Variants in CDH6 observed in about 807,000 individuals in gnomAD.
CDH6 encodes cadherin-6.
In CDH6, 31 loss-of-function variants were observed where a neutral mutation model predicts 78.0. That is an observed-to-expected ratio of 0.40 (90% CI 0.30 to 0.54). The LOEUF (loss-of-function observed/expected upper bound fraction) is 0.54. Among genes scored for constraint, CDH6 ranks in the 20% least tolerant of loss-of-function variants. The pLI is 0.56. For synonymous variants in CDH6, 376 were observed against 368.8 expected, an observed-to-expected ratio of 1.02 and a Z score of -0.23; for missense variants, 724 against 975.9, an observed-to-expected ratio of 0.74 and a Z score of 3.44.
chr5:31,199,480 G>GTATATATACACACACATATGTGTA lies in CDH6; in HGVS notation c.-129+5601_-129+5602insACACACACATATGTGTATATATAT, dbSNP rs35730764. ...TGTGTATATATACACACACATATGT[G>GTATATATACACACACATATGTGTA]TATATATGTACACACACATATGTGT... On this transcript the variant is annotated intron_variant, in intron 1 of 11. Coordinates refer to ENST00000265071, the MANE Select transcript of CDH6 (RefSeq NM_004932.4). Among the ~76,000 whole-genome samples the GTATATATACACACACATATGTGTA allele has an allele frequency of 5.9e-4, 19 of 32,072 alleles. 1 individual carries two copies. Among genetic ancestry groups the GTATATATACACACACATATGTGTA allele is most frequent in the Middle Eastern group, 0.019 (1 of 54 alleles). The allele number at this position is 32,072 out of a possible 152,430, so 21.0% of individuals were successfully genotyped here.
At chr5:31,201,492 T>C (rs1462334624) in intron 1 of CDH6, among the ~76,000 whole-genome samples, 1 of 152,182 alleles carries the variant, frequency 6.6e-6, no homozygotes, top group Non-Finnish European at 1.5e-5. Flanking sequence ...AAATCTCAAT[T>C]TATTTGATTT....
chr5:31,212,902 C>T (rs1288791852), intron 1 of CDH6, among the ~76,000 whole-genome samples: 6 of 152,140 alleles, frequency 3.9e-5, no homozygotes, highest in African/African-American at 1.4e-4. Flanking sequence ...CCCCTGGACA[C>T]CTTCCTTTGC....
At chr5:31,289,310 T>C (rs187616053) in intron 2 of CDH6, among the ~76,000 whole-genome samples, 10 of 152,348 alleles carry the variant, frequency 6.6e-5, no homozygotes, top group Admixed American at 6.5e-4. Flanking sequence ...TTCATTCTTT[T>C]TTACAGCTTT....
intron 1 of CDH6, among the ~76,000 whole-genome samples, chr5:31,200,248 G>A (rs1740313797): frequency 6.6e-6 from 1 of 152,010 alleles, no homozygotes; most frequent in Non-Finnish European, 1.5e-5. Flanking sequence ...ATCTTATCCT[G>A]CCTTCAGAGG....
intron 2 of CDH6, among the ~76,000 whole-genome samples, chr5:31,268,714 T>A (rs553571051): frequency 2.0e-5 from 3 of 152,184 alleles, no homozygotes; most frequent in Non-Finnish European, 4.4e-5. Flanking sequence ...TAGGATATCA[T>A]GCAAAAAACA....
In CDH6 at chr5:31,317,803, G is replaced by T; in HGVS notation, c.1761G>T (p.Arg587=). 6.2e-7 allele frequency: 1 copy of T among 1,614,124 alleles called. No individual in the cohort carries two copies. Among genetic ancestry groups the T allele is most frequent in the African/African-American group, 1.3e-5 (1 of 75,018 alleles). ...GCAGCACTGGGACAGTGACTGTCCG[G>T]GTCTGTGCATGTGACCACCACGGGA... ...VQSSTGTVTV[R]VCACDHHGNM... Residue 587 remains arginine (R), a synonymous_variant, in exon 11 of 12, where the codon CGG becomes CGT. Coordinates refer to ENST00000265071, the MANE Select transcript of CDH6 (RefSeq NM_004932.4).
At chr5:31,280,849 G>A (rs573726561) in intron 2 of CDH6, among the ~76,000 whole-genome samples, 2 of 150,960 alleles carry the variant, frequency 1.3e-5, no homozygotes, top group African/African-American at 4.9e-5. Flanking sequence ...GAGAAAGGGA[G>A]CTTTCAAAAT....
intron 1 of CDH6, among the ~76,000 whole-genome samples, chr5:31,264,195 T>C (rs1742281692): frequency 6.6e-6 from 1 of 152,248 alleles, no homozygotes; most frequent in Admixed American, 6.5e-5. Flanking sequence ...TTTAAGAAAA[T>C]TTTGACTTGC....
intron 2 of CDH6, among the ~76,000 whole-genome samples, chr5:31,282,046 C>T (rs373659404): frequency 2.6e-5 from 4 of 152,170 alleles, no homozygotes; most frequent in East Asian, 1.9e-4. Context: ...TAGTTTTCCT[C>T]CCTCCTCCAC....
At chr5:31,297,072 C>A (rs933719499) in intron 3 of CDH6, among the ~76,000 whole-genome samples, 1 of 152,140 alleles carries the variant, frequency 6.6e-6, no homozygotes, top group African/African-American at 2.4e-5. Context: ...CATGATCATT[C>A]CCATGCTTTT....
At chr5:31,244,220 A>G (rs930193490) in intron 1 of CDH6, among the ~76,000 whole-genome samples, 4 of 152,232 alleles carry the variant, frequency 2.6e-5, no homozygotes, top group African/African-American at 4.8e-5. Context: ...TATCAAGACA[A>G]TGTAGACAAG....
intron 1 of CDH6, among the ~76,000 whole-genome samples, chr5:31,228,395 A>G (rs1427038208): frequency 1.3e-5 from 2 of 152,212 alleles, no homozygotes; most frequent in African/African-American, 4.8e-5. Context: ...GCCAAGGTTC[A>G]GGAAGTGAAT....
In CDH6 at chr5:31,316,270, G is replaced by A. The variant is rs769078251; in HGVS notation, c.1453G>A (p.Ala485Thr). 7.4e-6 allele frequency: 12 copies of A among 1,612,916 alleles called. No individual in the cohort carries two copies. The highest frequency in any genetic ancestry group is 4.4e-5 in the South Asian group (4 of 90,974). The change falls in exon 9 of 12, where the codon GCC becomes ACC. Residue 485 changes from alanine to threonine, a missense_variant. Ala to Thr is a moderately conservative substitution (Grantham distance 58). Transcript: ENST00000265071. The stretch of plus-strand genomic sequence containing the variant: ...TAAAGTTCTAGATGTCAATGACAAC[G>A]CCCCAGAATTTGCTGAGTTCTATGA... ...YIKVLDVNDN[A>T]PEFAEFYETF...
intron 1 of CDH6, among the ~76,000 whole-genome samples, chr5:31,255,056 C>G (rs1742019833): frequency 6.6e-6 from 1 of 152,208 alleles, no homozygotes; most frequent in Non-Finnish European, 1.5e-5. Context: ...TAAAGGGCCA[C>G]ATTACCGACC....
chr5:31,221,204 C>T (rs114857029), intron 1 of CDH6, among the ~76,000 whole-genome samples: 2,368 of 152,274 alleles, frequency 0.016, 66 homozygotes, highest in African/African-American at 0.054. Context: ...CACTCACTCA[C>T]CAGTCAAGCA....
At chr5:31,244,441 T>A (rs1202759466) in intron 1 of CDH6, among the ~76,000 whole-genome samples, 2 of 152,162 alleles carry the variant, frequency 1.3e-5, no homozygotes, top group Non-Finnish European at 2.9e-5. Context: ...ATTAAGGGAA[T>A]ACTTCATTAA....
At position 31,323,170 on chromosome 5, in the gene CDH6, C is replaced by A. The variant is rs569484033; in HGVS notation, c.2235C>A (p.Ser745=). 1 of 1,614,164 alleles carries A rather than the reference C, an allele frequency of 6.2e-7. No individual in the cohort carries two copies. The highest frequency in any genetic ancestry group is 8.5e-7 in the Non-Finnish European group (1 of 1,180,034). ...CTTACGCCTATGAAGGCACTGGCTC[C>A]GTGGCGGATTCCCTGAGCTCGCTGG... is the stretch of plus-strand genomic sequence containing the variant. ...LATYAYEGTG[S]VADSLSSLES... The change falls in exon 12 of 12, where the codon TCC becomes TCA. Residue 745 remains serine (S), a synonymous_variant. Transcript: ENST00000265071.
intron 1 of CDH6, among the ~76,000 whole-genome samples, chr5:31,255,676 C>A (rs1051720070): frequency 1.3e-5 from 2 of 152,288 alleles, no homozygotes; most frequent in Middle Eastern, 6.8e-3. Context: ...CCTTCACAAG[C>A]CCCCTTCTGT....
In CDH6 at chr5:31,294,154, C is replaced by A. The variant is rs757135861; in HGVS notation, c.421C>A (p.Pro141Thr). ...INRRTGRPVE[P>T]ESEFIIKIHD... Reference sequence around the variant, plus strand: ...CAGAAGGACAGGGAGACCCGTGGAGCCCGAGTCTGAATTCATCATCAAGAT... The same window carrying A: ...CAGAAGGACAGGGAGACCCGTGGAGACCGAGTCTGAATTCATCATCAAGAT... The change falls in exon 3 of 12, where the codon CCC (proline) becomes ACC (threonine). Residue 141 changes from proline (P) to threonine (T), a missense_variant. Pro to Thr is a conservative substitution (Grantham distance 38, BLOSUM62 -1). Transcript: ENST00000265071. This position sits in a 1 kb window ranked among gnomAD's most constrained non-coding sequence, Gnocchi z 4.1. The A allele has an allele frequency of 3.1e-6, 5 of 1,613,784 alleles. No individual in the cohort carries two copies. Among genetic ancestry groups the A allele is most frequent in the Non-Finnish European group, 4.2e-6 (5 of 1,179,896 alleles).
Sources: allele counts gnomAD v4.1 joint callset (sites outside exome capture counted in the v4.1 genomes callset), GRCh38; gene constraint gnomAD v4.1.1; non-coding constraint Gnocchi (gnomAD v3.1); transcripts MANE v1.5; gene names NCBI Gene and HGNC (gene_info 2026-07-23, HGNC 2026-07-21).